RGS7: variants seen among roughly 807,000 people sequenced by gnomAD.
RGS7 encodes the protein regulator of G protein signaling 7, also known as regulator of G-protein signaling 7.
RGS7 carries 27 observed loss-of-function variants against 81.1 expected under a neutral mutation model. The ratio of observed to expected loss-of-function variants is 0.33; its 90% CI spans 0.25 to 0.46. RGS7 has a LOEUF of 0.46. RGS7 is among the 20% of genes least tolerant of loss of function. The pLI is 1.00. For missense variants in RGS7, 396 were observed against 607.4 expected, an observed-to-expected ratio of 0.65 and a Z score of 3.66; for synonymous variants, 208 against 207.7, an observed-to-expected ratio of 1.00 and a Z score of -0.01.
chr1:240,932,190 C>T (rs1675561188), intron 5 of RGS7, among the ~76,000 whole-genome samples: 2 of 152,160 alleles, frequency 1.3e-5, no homozygotes, highest in Non-Finnish European at 2.9e-5. Flanking sequence ...CCCCCGACTA[C>T]CATCACCCAG....
intron 3 of RGS7, among the ~76,000 whole-genome samples, chr1:241,079,211 C>T (rs1235355442): frequency 6.0e-5 from 9 of 151,026 alleles, no homozygotes; most frequent in Admixed American, 5.9e-4. Context: ...GTGCTCTTTC[C>T]ACAGCCAATG....
chr1:240,814,780 GA>G lies in RGS7; in HGVS notation c.784-4del. The G allele has an allele frequency of 6.3e-7, 1 of 1,575,842 alleles. No individual in the cohort carries two copies. Among genetic ancestry groups the G allele is most frequent in the Non-Finnish European group, 8.7e-7 (1 of 1,145,754 alleles). On this transcript the variant is annotated splice_polypyrimidine_tract_variant and splice_region_variant and intron_variant, in intron 11 of 18. Transcript: ENST00000440928. ...AACTGTATTTGCCAATATTTTATCTGAAAAGAGGGTTAGAGAAGGAGTTACA... is the reference window on the plus strand; with the variant it reads ...AACTGTATTTGCCAATATTTTATCTGAAAGAGGGTTAGAGAAGGAGTTACA...
intron 2 of RGS7, among the ~76,000 whole-genome samples, chr1:241,261,903 G>A (rs1226893843): frequency 6.6e-6 from 1 of 152,194 alleles, no homozygotes; most frequent in East Asian, 1.9e-4. Context: ...GGGGAAATTT[G>A]CTGATTGAGA....
intron 4 of RGS7, among the ~76,000 whole-genome samples, chr1:240,957,048 T>C (rs1233489276): frequency 6.6e-6 from 1 of 152,190 alleles, no homozygotes; most frequent in Non-Finnish European, 1.5e-5. Context: ...GTATTGTTCC[T>C]GCGTGCGTCT....
intron 2 of RGS7, among the ~76,000 whole-genome samples, chr1:241,276,820 C>T (rs909112110): frequency 6.6e-6 from 1 of 152,140 alleles, no homozygotes; most frequent in African/African-American, 2.4e-5. Flanking sequence ...TTCCAGCCTC[C>T]AGTAAAGAAT....
At chr1:240,829,396 A>AT (rs888502410) in intron 9 of RGS7, among the ~76,000 whole-genome samples, 24 of 151,282 alleles carry the variant, frequency 1.6e-4, no homozygotes, top group East Asian at 5.8e-4. Flanking sequence ...TTGTGGTTTG[A>AT]TTTTTTTTTA....
At chr1:241,248,658 T>G (rs924918712) in intron 2 of RGS7, among the ~76,000 whole-genome samples, 4 of 152,096 alleles carry the variant, frequency 2.6e-5, no homozygotes, top group Non-Finnish European at 5.9e-5. Flanking sequence ...GCTACATCTC[T>G]TTGTATTTTT....
chr1:240,992,424 A>C (rs1167489376), intron 3 of RGS7, among the ~76,000 whole-genome samples: 1 of 152,010 alleles, frequency 6.6e-6, no homozygotes, highest in Non-Finnish European at 1.5e-5. Context: ...GAATCACTTG[A>C]ACCTGGGAGG....
At chr1:240,814,951 A>G (rs1690535670) in intron 11 of RGS7, among the ~76,000 whole-genome samples, 174 bp from the exon 12 acceptor site, 1 of 152,072 alleles carries the variant, frequency 6.6e-6, no homozygotes, top group Non-Finnish European at 1.5e-5. Context: ...ACAAAATGAA[A>G]TGTTGGAATT....
intron 2 of RGS7, among the ~76,000 whole-genome samples, chr1:241,318,401 C>A (rs191047602): frequency 2.0e-5 from 3 of 152,092 alleles, no homozygotes; most frequent in Non-Finnish European, 2.9e-5. Flanking sequence ...ATTCTATGTG[C>A]ATATATGCCC....
chr1:240,966,365 A>G (rs1253506321), intron 4 of RGS7, among the ~76,000 whole-genome samples: 1 of 152,202 alleles, frequency 6.6e-6, no homozygotes, highest in African/African-American at 2.4e-5. Context: ...TTAGGTTTAG[A>G]GATAAATTTC....
chr1:241,077,308 C>T lies in RGS7; in HGVS notation c.175+21358G>A, dbSNP rs78072868. 4.1e-3 allele frequency among the ~76,000 whole-genome samples: 625 copies of T among 152,270 alleles called. 7 individuals are homozygous for T. Among genetic ancestry groups the T allele is most frequent in the Admixed American group, 0.019 (287 of 15,290 alleles). On this transcript the variant is annotated intron_variant, in intron 3 of 18. Transcript: ENST00000440928. ...TGTCATGAAAATGGATAAGGGTTCA[C>T]AGAAATTTGACCCAAAGAATAAAGA...
chr1:241,077,473 G>C (rs1000667986), intron 3 of RGS7, among the ~76,000 whole-genome samples: 12 of 152,142 alleles, frequency 7.9e-5, no homozygotes, highest in African/African-American at 2.4e-4. Flanking sequence ...ATCTGGCCTG[G>C]GTTCTGGGAA....
chr1:240,903,291 T>C (rs995370386), intron 6 of RGS7, among the ~76,000 whole-genome samples: 8 of 152,186 alleles, frequency 5.3e-5, no homozygotes, highest in African/African-American at 1.9e-4. Context: ...ATGATAGCCA[T>C]TAGCCACATG....
At chr1:241,150,414 A>C (rs946438298) in intron 2 of RGS7, among the ~76,000 whole-genome samples, 5 of 152,102 alleles carry the variant, frequency 3.3e-5, no homozygotes, top group Admixed American at 3.3e-4. Context: ...ATTTGAAAAC[A>C]AGATAACCAG....
In RGS7 at chr1:241,311,412, T is replaced by G. The variant is rs554574756; in HGVS notation, c.78+44287A>C. Reference sequence around the variant, plus strand: ...ATACATACATACTACAATAGTTTTGTATTTTCAAGACAATACATTGTTTCT... The same window carrying G: ...ATACATACATACTACAATAGTTTTGGATTTTCAAGACAATACATTGTTTCT... On this transcript the variant is annotated intron_variant, in intron 2 of 18. Coordinates refer to ENST00000440928, the MANE Select transcript of RGS7 (RefSeq NM_001364886.1). Among the ~76,000 whole-genome samples, 5 of 152,362 alleles carry G rather than the reference T, an allele frequency of 3.3e-5. No homozygotes were observed. In the South Asian group the frequency reaches 1.0e-3, roughly 32 times the overall value.
intron 2 of RGS7, among the ~76,000 whole-genome samples, chr1:241,258,795 G>C (rs2077166331): frequency 6.6e-6 from 1 of 152,138 alleles, no homozygotes; most frequent in Non-Finnish European, 1.5e-5. Flanking sequence ...GTCTTCTACG[G>C]GAGGCAAAAT....
At chr1:241,037,442 C>T (rs1036458128) in intron 3 of RGS7, among the ~76,000 whole-genome samples, 7 of 152,052 alleles carry the variant, frequency 4.6e-5, no homozygotes, top group East Asian at 1.9e-4. Context: ...AAATGGAGGC[C>T]GGGCCCAGTG....
At chr1:240,822,676 C>T (rs1027822737) in intron 10 of RGS7, among the ~76,000 whole-genome samples, 17 of 152,134 alleles carry the variant, frequency 1.1e-4, no homozygotes, top group Non-Finnish European at 1.0e-4. Flanking sequence ...TGTCTTCTTA[C>T]CCATACTTAT....
Sources: allele counts gnomAD v4.1 joint callset (sites outside exome capture counted in the v4.1 genomes callset), GRCh38; gene constraint gnomAD v4.1.1; transcripts MANE v1.5; gene names NCBI Gene and HGNC (gene_info 2026-07-23, HGNC 2026-07-21).